The following ZNF664 variants were observed in gnomAD, a reference collection of about 807,000 sequenced individuals.
The protein encoded by ZNF664 is zinc finger Organ of Corti 1.
ZNF664 carries 10 observed loss-of-function variants against 18.2 expected under a neutral mutation model. That is an observed-to-expected ratio of 0.55 (90% CI 0.34 to 0.93). ZNF664 has a LOEUF of 0.93. Among genes scored for constraint, ZNF664 ranks in the 40% least tolerant of loss-of-function variants. ZNF664 has a pLI of 0.02. For missense variants in ZNF664, 193 were observed against 319.0 expected (o/e 0.61, Z 3.01); for synonymous variants, 119 against 104.2 (o/e 1.14, Z -0.86).
At chr12:124,009,675 T>C (rs1224488848) in intron 3 of ZNF664, among the ~76,000 whole-genome samples, 1 of 151,862 alleles carries the variant, frequency 6.6e-6, no homozygotes, top group Non-Finnish European at 1.5e-5. Context: ...ACTTTTTAAT[T>C]TAATTTAATT....
In ZNF664 at chr12:124,011,816, A is replaced by G; in HGVS notation, c.-329A>G. ...GAAGATTCCAGGGGCTCAAAAACGC[A>G]AAGGTTTGCACTTTGAGAGCCCCTT... is the stretch of plus-strand genomic sequence containing the variant. On this transcript the variant is annotated 5_prime_UTR_variant, in exon 5 of 5. Coordinates refer to ENST00000337815, the MANE Select transcript of ZNF664 (RefSeq NM_152437.3). 3.5e-6 allele frequency: 4 copies of G among 1,133,148 alleles called. No individual in the cohort carries two copies. Among genetic ancestry groups the G allele is most frequent in the Non-Finnish European group, 4.3e-6 (4 of 928,602 alleles). 70.2% of individuals were successfully genotyped at this position (1,133,148 alleles called of 1,614,324 possible). A position where few individuals can be genotyped will look rare whatever the true frequency, so the allele number is the denominator to read the frequency against.
intron 3 of ZNF664, among the ~76,000 whole-genome samples, chr12:124,010,805 C>CG (rs966273332): frequency 2.6e-5 from 4 of 152,102 alleles, no homozygotes; most frequent in African/African-American, 4.8e-5. Context: ...AGAGTCTAGC[C>CG]GGGGGGCCTC....
intron 2 of ZNF664, among the ~76,000 whole-genome samples, chr12:123,986,986 T>G (rs1352512399): frequency 1.3e-5 from 2 of 152,248 alleles, no homozygotes; most frequent in East Asian, 3.8e-4. Context: ...CTTTTCCATT[T>G]TCTTCCTGTT....
chr12:124,010,509 C>T (rs1778398687), intron 3 of ZNF664, among the ~76,000 whole-genome samples: 1 of 152,162 alleles, frequency 6.6e-6, no homozygotes, highest in African/African-American at 2.4e-5. Context: ...CCCCTGTAGG[C>T]TATCAAAGAC....
intron 3 of ZNF664, chr12:124,003,432 CTG>C (rs1228509579): frequency 2.7e-5 from 4 of 148,618 alleles, no homozygotes; most frequent in African/African-American, 7.5e-5. Context: ...GAGTCTTGCT[CTG>C]TCGCCCAGGC....
At chr12:124,008,222 C>T (rs368917962) in intron 3 of ZNF664, among the ~76,000 whole-genome samples, 23 of 152,062 alleles carry the variant, frequency 1.5e-4, no homozygotes, top group African/African-American at 5.1e-4. Context: ...TACTTGCTTC[C>T]TAGTAGTTCC....
intron 3 of ZNF664, among the ~76,000 whole-genome samples, chr12:123,991,622 C>T (rs763035342): frequency 6.6e-5 from 10 of 152,138 alleles, no homozygotes; most frequent in South Asian, 2.1e-4. Context: ...CTTTAATTAC[C>T]GCAGCAAAGT....
At chr12:123,983,194 T>C (rs180712605) in intron 2 of ZNF664, among the ~76,000 whole-genome samples, 1 of 152,254 alleles carries the variant, frequency 6.6e-6, no homozygotes, top group Admixed American at 6.5e-5. Flanking sequence ...AGCTAATCCA[T>C]GTGGGAGAGT....
chr12:123,992,979 G>C (rs1168681626), intron 3 of ZNF664, among the ~76,000 whole-genome samples: 1 of 152,180 alleles, frequency 6.6e-6, no homozygotes, highest in African/African-American at 2.4e-5. Context: ...AAGAAACCCA[G>C]ATTCACTTCT....
chr12:123,976,524 T>A (rs773162571), intron 2 of ZNF664, among the ~76,000 whole-genome samples: 27 of 152,110 alleles, frequency 1.8e-4, no homozygotes, highest in Admixed American at 6.5e-4. Context: ...GTTAAAGTGG[T>A]TGTATTTTAT....
intron 3 of ZNF664, among the ~76,000 whole-genome samples, chr12:124,005,482 AATGTGTGTGTGTGTGT>A (rs902116763): frequency 1.1e-5 from 1 of 91,830 alleles, no homozygotes; most frequent in African/African-American, 5.0e-5. Flanking sequence ...TAATTTATAG[AATGTGTGTGTGTGTGT>A]GTGTGTGTGT....
At chr12:123,986,223 G>C (rs1956823307) in intron 2 of ZNF664, among the ~76,000 whole-genome samples, 1 of 152,194 alleles carries the variant, frequency 6.6e-6, no homozygotes, top group Non-Finnish European at 1.5e-5. Context: ...TTTTAGTTAG[G>C]GATTTTTTGT....
intron 3 of ZNF664, among the ~76,000 whole-genome samples, chr12:123,992,542 C>T: frequency 6.6e-6 from 1 of 152,082 alleles, no homozygotes; most frequent in East Asian, 1.9e-4. Context: ...GGAAGTTGTT[C>T]CTAGTATCAC....
At chr12:123,999,932 G>T (rs1335347539) in intron 3 of ZNF664, among the ~76,000 whole-genome samples, 1 of 152,222 alleles carries the variant, frequency 6.6e-6, no homozygotes, top group Non-Finnish European at 1.5e-5. Context: ...CTGAGGCTTG[G>T]AAGACCCAGC....
chr12:124,006,969 G>A (rs937006957), intron 3 of ZNF664, among the ~76,000 whole-genome samples: 7 of 152,150 alleles, frequency 4.6e-5, no homozygotes, highest in Non-Finnish European at 8.8e-5. Context: ...AGCTCTGTGG[G>A]GTTCCATAAC....
chr12:124,012,356 C>T lies in ZNF664; in HGVS notation c.212C>T (p.Thr71Ile). Residue 71 changes from threonine (T) to isoleucine (I), a missense_variant, in exon 5 of 5, where the codon ACA (threonine) becomes ATA (isoleucine). This residue lies in a region of ZNF664 where 90 missense variants were observed against 118.9 expected (regional missense o/e 0.76). Coordinates refer to ENST00000337815, the MANE Select transcript of ZNF664 (RefSeq NM_152437.3). ...GATTGTGGTAAGGATTTTAGCACTA[C>T]AACAAAACTTAATAGACATAAGAAA... ...CDDCGKDFST[T>I]TKLNRHKKIH... 1 of 1,614,154 alleles carries T rather than the reference C, an allele frequency of 6.2e-7. No homozygotes were observed. Among genetic ancestry groups the T allele is most frequent in the Non-Finnish European group, 8.5e-7 (1 of 1,180,036 alleles).
Position 124,012,990 on chromosome 12 carries a change from T to C in ZNF664, c.*60T>C. On this transcript the variant is annotated 3_prime_UTR_variant, in exon 5 of 5. Coordinates refer to ENST00000337815, the MANE Select transcript of ZNF664 (RefSeq NM_152437.3). ...ATAAGTGCCACTAGGAAGGAAACCCTGTATATACCTACATTGACCCAAGAA... is the reference window on the plus strand; with the variant it reads ...ATAAGTGCCACTAGGAAGGAAACCCCGTATATACCTACATTGACCCAAGAA... 1 of 1,550,016 alleles carries C rather than the reference T, an allele frequency of 6.5e-7. No homozygotes were observed. The highest frequency in any genetic ancestry group is 8.7e-7 in the Non-Finnish European group (1 of 1,149,234).
intron 2 of ZNF664, among the ~76,000 whole-genome samples, chr12:123,985,005 G>C (rs1404421877): frequency 2.0e-5 from 3 of 152,080 alleles, no homozygotes; most frequent in African/African-American, 7.2e-5. Flanking sequence ...TAGGATTCAG[G>C]GTGAGGCAGG....
At chr12:123,975,634 G>A (rs1956681149) in intron 2 of ZNF664, among the ~76,000 whole-genome samples, 1 of 152,036 alleles carries the variant, frequency 6.6e-6, no homozygotes, top group Non-Finnish European at 1.5e-5. Context: ...TTACTATCTT[G>A]CCCCAACTGG....
Sources: allele counts gnomAD v4.1 joint callset (sites outside exome capture counted in the v4.1 genomes callset), GRCh38; gene constraint gnomAD v4.1.1; regional missense constraint gnomAD v4.1.1; transcripts MANE v1.5; gene names NCBI Gene and HGNC (gene_info 2026-07-23, HGNC 2026-07-21).